The following GRM5 variants were observed in gnomAD, a reference collection of about 807,000 sequenced individuals.
GRM5 encodes the protein glutamate metabotropic receptor 5.
A neutral mutation model predicts 83.1 loss-of-function variants in GRM5; 19 were observed. The observed-to-expected ratio is 0.23, with a 90% CI of 0.16 to 0.34. GRM5 has a LOEUF of 0.34. Among genes scored for constraint, GRM5 ranks in the 10% least tolerant of loss-of-function variants. The pLI is 1.00. For synonymous variants in GRM5, 675 were observed against 633.6 expected (o/e 1.07, Z -0.98); for missense variants, 1,160 against 1,588.3 (o/e 0.73, Z 4.58).
In GRM5 at chr11:88,857,592, A is replaced by T. The variant is rs564466558; in HGVS notation, c.662-7437T>A. Reference sequence around the variant, plus strand: ...CTTCTTATTTTATTAACAGTTTCATAAAGATGTTCTTTTGTTTGATGCCAT... The same window carrying T: ...CTTCTTATTTTATTAACAGTTTCATTAAGATGTTCTTTTGTTTGATGCCAT... On this transcript the variant is annotated intron_variant, in intron 2 of 9. Coordinates refer to ENST00000305447, the MANE Select transcript of GRM5 (RefSeq NM_001143831.3). 7.2e-5 allele frequency among the ~76,000 whole-genome samples: 11 copies of T among 152,174 alleles called. No individual in the cohort carries two copies. In the South Asian group the frequency reaches 2.3e-3, roughly 32 times the overall value.
At chr11:88,517,119 T>C (rs1339027987) in intron 9 of GRM5, among the ~76,000 whole-genome samples, 1 of 126,120 alleles carries the variant, frequency 7.9e-6, no homozygotes, top group Non-Finnish European at 1.7e-5. Flanking sequence ...TGTAATATAT[T>C]GGCTTCTGTA....
intron 2 of GRM5, among the ~76,000 whole-genome samples, chr11:88,997,971 G>T (rs1313800347): frequency 6.6e-6 from 1 of 151,658 alleles, no homozygotes; most frequent in African/African-American, 2.4e-5. Flanking sequence ...GTACATTCAT[G>T]ATACCAAAAC....
At chr11:88,578,681 C>T (rs1465360645) in intron 7 of GRM5, among the ~76,000 whole-genome samples, 3 of 152,054 alleles carry the variant, frequency 2.0e-5, no homozygotes, top group Non-Finnish European at 2.9e-5. Flanking sequence ...CTTTTTGACT[C>T]ATCTTGTAGG....
At chr11:88,555,534 C>G (rs1417634244) in intron 8 of GRM5, among the ~76,000 whole-genome samples, 3 of 151,948 alleles carry the variant, frequency 2.0e-5, no homozygotes, top group African/African-American at 7.3e-5. Context: ...GTTTGTTTAC[C>G]AAGTTGTGGT....
chr11:88,641,626 C>T (rs908141014), intron 4 of GRM5, among the ~76,000 whole-genome samples: 3 of 152,070 alleles, frequency 2.0e-5, no homozygotes, highest in Non-Finnish European at 4.4e-5. Context: ...ATTCCCATTC[C>T]AAAAGGGAGA....
chr11:88,820,896 C>A (rs1258491181), intron 3 of GRM5, among the ~76,000 whole-genome samples: 1 of 152,064 alleles, frequency 6.6e-6, no homozygotes, highest in African/African-American at 2.4e-5. Context: ...AACAAAAGCA[C>A]AAAAATTATT....
At chr11:88,756,460 T>C (rs1942395749) in intron 3 of GRM5, among the ~76,000 whole-genome samples, 1 of 152,110 alleles carries the variant, frequency 6.6e-6, no homozygotes, top group Non-Finnish European at 1.5e-5. Context: ...TTTGTAGTTA[T>C]AAAATAAGAG....
chr11:88,522,525 C>T (rs888448871), intron 9 of GRM5, among the ~76,000 whole-genome samples: 1 of 150,908 alleles, frequency 6.6e-6, no homozygotes, highest in Non-Finnish European at 1.5e-5. Flanking sequence ...GTCTCTAGGC[C>T]TTTTCTACTC....
chr11:88,805,350 C>A (rs914251988), intron 3 of GRM5, among the ~76,000 whole-genome samples: 2 of 152,078 alleles, frequency 1.3e-5, no homozygotes, highest in African/African-American at 2.4e-5. Flanking sequence ...CGCCACCACG[C>A]CCGGCTAATT....
intron 4 of GRM5, among the ~76,000 whole-genome samples, chr11:88,629,371 C>G (rs1471778230): frequency 6.6e-6 from 1 of 152,162 alleles, no homozygotes; most frequent in East Asian, 1.9e-4. Flanking sequence ...TCAGCTGCAC[C>G]TTACCTATCC....
chr11:88,898,115 A>G (rs1590948191), intron 2 of GRM5, among the ~76,000 whole-genome samples: 1 of 151,978 alleles, frequency 6.6e-6, no homozygotes, highest in African/African-American at 2.4e-5. Flanking sequence ...TTTGACAGCA[A>G]TCTTTGGTGT....
intron 3 of GRM5, among the ~76,000 whole-genome samples, chr11:88,765,852 G>A (rs999434562): frequency 6.6e-6 from 1 of 151,714 alleles, no homozygotes; most frequent in African/African-American, 2.4e-5. Context: ...TTGACTTCAG[G>A]AATATGTTTT....
At chr11:88,759,512 A>C (rs1942466844) in intron 3 of GRM5, among the ~76,000 whole-genome samples, 1 of 152,214 alleles carries the variant, frequency 6.6e-6, no homozygotes, top group South Asian at 2.1e-4. Flanking sequence ...GGTTCAATTC[A>C]ACAAGAAGAG....
At chr11:88,822,705 T>TA (rs1943821281) in intron 3 of GRM5, among the ~76,000 whole-genome samples, 1 of 152,140 alleles carries the variant, frequency 6.6e-6, no homozygotes, top group Non-Finnish European at 1.5e-5. Flanking sequence ...TCTTTCCCTT[T>TA]AAGTCTTTAT....
At chr11:89,000,169 C>T (rs140494695) in intron 2 of GRM5, among the ~76,000 whole-genome samples, 3,107 of 152,154 alleles carry the variant, frequency 0.02, 103 homozygotes, top group African/African-American at 0.072. Flanking sequence ...AGCACACCAA[C>T]ATGGCACATG....
intron 8 of GRM5, among the ~76,000 whole-genome samples, chr11:88,564,144 T>C (rs1591351340): frequency 6.6e-6 from 1 of 152,248 alleles, no homozygotes; most frequent in African/African-American, 2.4e-5. Flanking sequence ...CTCCATATAA[T>C]CAGACTGTGG....
chr11:88,757,465 C>G (rs945619301), intron 3 of GRM5, among the ~76,000 whole-genome samples: 10 of 152,132 alleles, frequency 6.6e-5, no homozygotes, highest in African/African-American at 2.4e-4. Flanking sequence ...TGTGCTCCTG[C>G]AACAACACTG....
chr11:88,860,528 C>A (rs1361807542), intron 2 of GRM5, among the ~76,000 whole-genome samples: 2 of 152,134 alleles, frequency 1.3e-5, no homozygotes, highest in Non-Finnish European at 2.9e-5. Context: ...AGAAATTCTC[C>A]CATCACCAGC....
intron 2 of GRM5, among the ~76,000 whole-genome samples, chr11:88,986,365 G>C (rs1265339455): frequency 6.6e-6 from 1 of 152,146 alleles, no homozygotes. Context: ...GAAGTGGTGT[G>C]GCTATAAAAG....
Sources: allele counts gnomAD v4.1 joint callset (sites outside exome capture counted in the v4.1 genomes callset), GRCh38; gene constraint gnomAD v4.1.1; transcripts MANE v1.5; gene names NCBI Gene and HGNC (gene_info 2026-07-23, HGNC 2026-07-21).